HMCN2: variants seen among roughly 807,000 people sequenced by gnomAD.
The protein encoded by HMCN2 is hemicentin 2.
HMCN2 carries 325 observed loss-of-function variants against 377.5 expected under a neutral mutation model. That is an observed-to-expected ratio of 0.86 (90% confidence interval 0.79 to 0.94). The LOEUF is 0.94. HMCN2 is among the 40% of genes least tolerant of loss of function. The pLI, the probability that HMCN2 is intolerant of heterozygous loss-of-function variation, is 0.00. For missense variants in HMCN2, 4,543 were observed against 4,725.3 expected, an observed-to-expected ratio of 0.96 and a Z score of 1.13; for synonymous variants, 2,007 against 2,046.8, an observed-to-expected ratio of 0.98 and a Z score of 0.53.
intron 73 of HMCN2, among the ~76,000 whole-genome samples, chr9:130,397,268 T>A (rs1357472044): frequency 6.6e-6 from 1 of 152,040 alleles, no homozygotes; most frequent in Non-Finnish European, 1.5e-5. Flanking sequence ...AACCATCAGA[T>A]CTCGTGAGAC....
intron 1 of HMCN2, among the ~76,000 whole-genome samples, chr9:130,268,378 G>A (rs1834233908): frequency 8.0e-6 from 1 of 124,390 alleles, no homozygotes; most frequent in Non-Finnish European, 2.0e-5. Flanking sequence ...GACACCCCCA[G>A]GTTCAGACGT....
At chr9:130,377,566 T>C (rs1050649783) in intron 52 of HMCN2, 83 bp from the exon 53 acceptor site, 1 of 774,388 alleles carries the variant, frequency 1.3e-6, no homozygotes. Context: ...GAGAATGTAT[T>C]GAGAATTAAG....
At position 130,425,134 on chromosome 9, in the gene HMCN2, G is replaced by A. The variant is rs1277569005; in HGVS notation, c.13641+4G>A. ...TGACGCAGATCTTCAAGTGCAGGTC[G>A]GGGGTCAAGCCCTGGGGTGTGCAGA... On this transcript the variant is annotated splice_donor_region_variant and intron_variant, in intron 89 of 97. Transcript: ENST00000683500. 6 of 1,545,728 alleles carry A rather than the reference G, an allele frequency of 3.9e-6. No homozygotes were observed. The highest frequency in any genetic ancestry group is 2.0e-5 in the Admixed American group (1 of 50,744).
intron 22 of HMCN2, among the ~76,000 whole-genome samples, chr9:130,329,723 G>T (rs900734473): frequency 6.6e-6 from 1 of 152,108 alleles, no homozygotes; most frequent in African/African-American, 2.4e-5. Flanking sequence ...GATTACAGGC[G>T]TGAGCCACTG....
At position 130,433,342 on chromosome 9, in the gene HMCN2, C is replaced by G. The variant is rs1379667282; in HGVS notation, c.14895-6C>G. On this transcript the variant is annotated splice_region_variant and splice_polypyrimidine_tract_variant and intron_variant, in intron 97 of 97. Coordinates refer to ENST00000683500, the MANE Select transcript of HMCN2 (RefSeq NM_001291815.2). The stretch of plus-strand genomic sequence containing the variant: ...CCGCCTGTCCGTGTGTCTGTGCCGC[C>G]CGCAGGACGTGCTTCCGGCGCTGCT... 1 of 1,439,738 alleles carries G rather than the reference C, an allele frequency of 6.9e-7. No individual in the cohort carries two copies. Among genetic ancestry groups the G allele is most frequent in the Admixed American group, 2.7e-5 (1 of 36,690 alleles). The allele number at this position is 1,439,738 out of a possible 1,614,324, so 89.2% of individuals were successfully genotyped here. A position where few individuals can be genotyped will look rare whatever the true frequency, so the allele number is the denominator to read the frequency against.
chr9:130,377,733 C>A lies in HMCN2; in HGVS notation c.8146C>A (p.Arg2716=). 1.0e-6 allele frequency: 1 copy of A among 985,902 alleles called. No homozygotes were observed. Among genetic ancestry groups the A allele is most frequent in the South Asian group, 4.7e-5 (1 of 21,292 alleles). The allele number at this position is 985,902 out of a possible 1,614,324, so 61.1% of individuals were successfully genotyped here. The change falls in exon 53 of 98, where the codon CGG becomes AGG. Residue 2716 remains arginine, a synonymous_variant. Transcript: ENST00000683500. ...IQPTQVSDSG[R]YLCVATNVAG... is the part of the protein sequence containing the mutation. ...GCCCACACAGGTCTCAGACTCGGGG[C>A]GGTACCTGTGTGTGGCCACCAATGT...
chr9:130,284,875 T>C (rs1835335956), intron 2 of HMCN2, among the ~76,000 whole-genome samples: 1 of 152,238 alleles, frequency 6.6e-6, no homozygotes, highest in African/African-American at 2.4e-5. Context: ...CTCGTCACGG[T>C]GCTGGGCTTA....
chr9:130,280,270 C>G (rs1401592183), intron 1 of HMCN2, among the ~76,000 whole-genome samples: 1 of 149,654 alleles, frequency 6.7e-6, no homozygotes, highest in African/African-American at 2.5e-5. Flanking sequence ...TCACGCCATT[C>G]TCCTGCCTCA....
chr9:130,389,387 C>T lies in HMCN2; in HGVS notation c.9523+847C>T, dbSNP rs185405328. 4.8e-3 allele frequency among the ~76,000 whole-genome samples: 732 copies of T among 152,216 alleles called. 6 individuals are homozygous for T. Among genetic ancestry groups the T allele is most frequent in the African/African-American group, 0.016 (673 of 41,542 alleles). Reference sequence around the variant, plus strand: ...CCCGTATCCATTAGCAATCACTCCCCGTTTTCTCCCCATTTCTTCTTCCCC... The same window carrying T: ...CCCGTATCCATTAGCAATCACTCCCTGTTTTCTCCCCATTTCTTCTTCCCC... On this transcript the variant is annotated intron_variant, in intron 62 of 97. Transcript: ENST00000683500.
intron 28 of HMCN2, 109 bp from the exon 29 acceptor site, chr9:130,349,428 G>C (rs533666746): frequency 1.7e-6 from 2 of 1,195,004 alleles, no homozygotes; most frequent in African/African-American, 3.1e-5. Context: ...AGGAAGGTCA[G>C]GTAGGAGGGG....
intron 15 of HMCN2, among the ~76,000 whole-genome samples, chr9:130,314,725 GCC>G (rs1837443565): frequency 6.6e-6 from 1 of 152,172 alleles, no homozygotes; most frequent in Non-Finnish European, 1.5e-5. Flanking sequence ...CCCCAGCCCT[GCC>G]CCCGTGCTCT....
At chr9:130,355,307 C>A (rs865916965) in intron 32 of HMCN2, among the ~76,000 whole-genome samples, 1 of 152,172 alleles carries the variant, frequency 6.6e-6, no homozygotes, top group African/African-American at 2.4e-5. Context: ...GGACAGAGGA[C>A]CTCGTTCTGC....
chr9:130,427,864 A>G (rs868024857), intron 92 of HMCN2, among the ~76,000 whole-genome samples: 2 of 152,180 alleles, frequency 1.3e-5, no homozygotes, highest in South Asian at 4.1e-4. Flanking sequence ...CCAGAGACAT[A>G]TGGGCGGCTA....
At chr9:130,327,968 T>C (rs895590810) in intron 22 of HMCN2, among the ~76,000 whole-genome samples, 2 of 152,140 alleles carry the variant, frequency 1.3e-5, no homozygotes, top group African/African-American at 4.8e-5. Flanking sequence ...GGAGGCTGGC[T>C]TGGGTGTCCT....
chr9:130,293,303 G>GTTTTTTA (rs1588186458), intron 4 of HMCN2, among the ~76,000 whole-genome samples: 35 of 77,272 alleles, frequency 4.5e-4, no homozygotes, highest in East Asian at 1.4e-3. Context: ...TTTTTTTTGC[G>GTTTTTTA]GTTCTTGTTG....
chr9:130,330,500 G>T (rs1320781319), intron 22 of HMCN2, among the ~76,000 whole-genome samples: 1 of 152,124 alleles, frequency 6.6e-6, no homozygotes, highest in African/African-American at 2.4e-5. Flanking sequence ...AGCTCTTGGG[G>T]CTGGGTCCCA....
intron 53 of HMCN2, among the ~76,000 whole-genome samples, chr9:130,378,272 G>A (rs990246961): frequency 6.7e-6 from 1 of 148,738 alleles, no homozygotes; most frequent in Non-Finnish European, 1.5e-5. Flanking sequence ...GGAGGGAGCC[G>A]GGAGTCAGAG....
chr9:130,422,640 C>T lies in HMCN2; in HGVS notation c.13295C>T (p.Ala4432Val). 3 of 1,329,264 alleles carry T rather than the reference C, an allele frequency of 2.3e-6. No individual in the cohort carries two copies. Among genetic ancestry groups the T allele is most frequent in the Non-Finnish European group, 2.9e-6 (3 of 1,032,916 alleles). The allele number at this position is 1,329,264 out of a possible 1,614,324, so 82.3% of individuals were successfully genotyped here. A position where few individuals can be genotyped will look rare whatever the true frequency, so the allele number is the denominator to read the frequency against. The change falls in exon 87 of 98, where the codon GCC (alanine) becomes GTC (valine). Residue 4432 changes from alanine (A) to valine (V), a missense_variant. Physicochemically the swap from Ala to Val is moderately conservative, Grantham distance 64. Coordinates refer to ENST00000683500, the MANE Select transcript of HMCN2 (RefSeq NM_001291815.2). This position sits in a 1 kb window ranked among gnomAD's most constrained non-coding sequence, Gnocchi z 4.2. ...ATAAATGGCCGGAAATTTGGCGTGG[C>T]CACACTCAACACCAGCGTGATGCAG... ...GVINGRKFGV[A>V]TLNTSVMQEA...
chr9:130,400,921 G>C lies in HMCN2; in HGVS notation c.11744G>C (p.Gly3915Ala). ...SKAGAQLGAR[G>A]SGYRVSPSGA... ...GCAGGCGCCCAGCTAGGAGCTCGGG[G>C]GAGTGGCTATCGTGTCTCACCATCG... Residue 3915 changes from glycine to alanine, a missense_variant, in exon 77 of 98, where the codon GGG (glycine) becomes GCG (alanine). Physicochemically the swap from Gly to Ala is moderately conservative, Grantham distance 60 (BLOSUM62 0). Transcript: ENST00000683500. 7.8e-7 allele frequency: 1 copy of C among 1,289,106 alleles called. No individual in the cohort carries two copies. The highest frequency in any genetic ancestry group is 1.0e-6 in the Non-Finnish European group (1 of 988,552). 79.9% of individuals were successfully genotyped at this position (1,289,106 alleles called of 1,614,324 possible).
Sources: gnomAD v4.1 joint callset for allele counts (sites outside exome capture counted in the v4.1 genomes callset) on GRCh38, gnomAD v4.1.1 for gene constraint, Gnocchi (gnomAD v3.1) non-coding constraint, MANE v1.5 for transcripts, NCBI Gene and HGNC (gene_info 2026-07-23, HGNC 2026-07-21) for gene names.